NPY2R: variants seen among roughly 807,000 people sequenced by gnomAD.
NPY2R encodes neuropeptide Y receptor Y2, also known as neuropeptide Y receptor type 2.
In NPY2R, 17 loss-of-function variants were observed where a neutral mutation model predicts 22.3. The observed-to-expected ratio is 0.76, with a 90% CI of 0.52 to 1.14. The LOEUF (loss-of-function observed/expected upper bound fraction) is 1.14, where lower values mean the gene tolerates loss of function less well. NPY2R is among the 50% of genes most tolerant of loss of function. The probability of loss-of-function intolerance (pLI) is 0.00; values close to 1 mark genes in which losing one functional copy is unlikely to be tolerated. For missense variants in NPY2R, 424 were observed against 467.9 expected (o/e 0.91, Z 0.87); for synonymous variants, 209 against 183.4 (o/e 1.14, Z -1.13).
the NPY2R span, among the ~76,000 whole-genome samples, chr4:155,181,061 A>T: frequency 6.6e-6 from 1 of 152,220 alleles, no homozygotes; most frequent in Non-Finnish European, 1.5e-5. Flanking sequence ...AGTCAGAATG[A>T]ATAAAACTGT....
chr4:155,174,484 A>ATATATATATATATATATATATATATATAT, the NPY2R span, among the ~76,000 whole-genome samples: 27 of 106,062 alleles, frequency 2.5e-4, no homozygotes, highest in East Asian at 1.4e-3. Flanking sequence ...ATATATATAT[A>ATATATATATATATATATATATATATATAT]TTTTTTTTTT....
At chr4:155,174,969 T>C in the NPY2R span, among the ~76,000 whole-genome samples, 2 of 152,116 alleles carry the variant, frequency 1.3e-5, no homozygotes, top group Non-Finnish European at 1.5e-5. Flanking sequence ...TATTCTCTAA[T>C]GGAGAGAAAA....
the NPY2R span, among the ~76,000 whole-genome samples, chr4:155,188,948 T>C: frequency 6.6e-6 from 1 of 152,124 alleles, no homozygotes; most frequent in South Asian, 2.1e-4. Flanking sequence ...TACTTAGTAA[T>C]AAATAACTAA....
chr4:155,195,024 G>A, the NPY2R span, among the ~76,000 whole-genome samples: 1 of 151,992 alleles, frequency 6.6e-6, no homozygotes, highest in African/African-American at 2.4e-5. Context: ...TTTTGGTCAT[G>A]TGTATGTCTT....
chr4:155,200,813 T>C, the NPY2R span, among the ~76,000 whole-genome samples: 1 of 151,894 alleles, frequency 6.6e-6, no homozygotes, highest in African/African-American at 2.4e-5. Flanking sequence ...TGAGAACACA[T>C]GGACACAGGG....
the NPY2R span, among the ~76,000 whole-genome samples, chr4:155,193,805 G>A: frequency 0.52 from 79,653 of 151,788 alleles, 22,107 homozygotes; most frequent in East Asian, 0.94. Flanking sequence ...GTGTGTAAGA[G>A]GCACTGTGCT....
chr4:155,177,414 AAAC>A, the NPY2R span, among the ~76,000 whole-genome samples: 1 of 152,200 alleles, frequency 6.6e-6, no homozygotes, highest in Admixed American at 6.6e-5. Context: ...TCAACAAGGC[AAAC>A]AACATTAACT....
Position 155,214,879 on chromosome 4 carries a change from G to A in NPY2R, c.940G>A (p.Ala314Thr). 2.5e-6 allele frequency: 4 copies of A among 1,611,218 alleles called. No homozygotes were observed. The highest frequency in any genetic ancestry group is 3.4e-6 in the Non-Finnish European group (4 of 1,178,126). Residue 314 changes from alanine to threonine, a missense_variant, in exon 2 of 2, where the codon GCC becomes ACC. Physicochemically the swap from Ala to Thr is moderately conservative, Grantham distance 58. Coordinates refer to ENST00000329476, the MANE Select transcript of NPY2R (RefSeq NM_000910.4). ...KLIFTVFHII[A>T]MCSTFANPLL... The stretch of plus-strand genomic sequence containing the variant: ...CATCTTCACAGTGTTCCACATCATC[G>A]CCATGTGCTCCACTTTTGCCAATCC...
At position 155,214,752 on chromosome 4, in the gene NPY2R, G is replaced by A; in HGVS notation, c.813G>A (p.Val271=). ...GGCAAAAAACCACCAAAATGCTGGT[G>A]TGTGTGGTGGTGGTGTTTGCGGTCA... The part of the protein sequence containing the change: ...QRRQKTTKML[V]CVVVVFAVSW... Residue 271 remains valine, a synonymous_variant, in exon 2 of 2, where the codon GTG becomes GTA. Coordinates refer to ENST00000329476, the MANE Select transcript of NPY2R (RefSeq NM_000910.4). 6.2e-7 allele frequency: 1 copy of A among 1,614,214 alleles called. No homozygotes were observed. Among genetic ancestry groups the A allele is most frequent in the Non-Finnish European group, 8.5e-7 (1 of 1,180,010 alleles).
rs2880415 is a variant in NPY2R, at chr4:155,214,875, C to T, written c.936C>T (p.Ile312=). Residue 312 remains isoleucine (I), a synonymous_variant, in exon 2 of 2, where the codon ATC becomes ATT. Coordinates refer to ENST00000329476, the MANE Select transcript of NPY2R (RefSeq NM_000910.4). Reference sequence around the variant, plus strand: ...AACTCATCTTCACAGTGTTCCACATCATCGCCATGTGCTCCACTTTTGCCA... The same window carrying T: ...AACTCATCTTCACAGTGTTCCACATTATCGCCATGTGCTCCACTTTTGCCA... ...EYKLIFTVFH[I]IAMCSTFANP... is the part of the protein sequence containing the mutation. 0.56 allele frequency: 898,004 copies of T among 1,610,122 alleles called. 254,892 individuals carry two copies. The highest frequency in any genetic ancestry group is 0.78 in the African/African-American group (58,460 of 74,810).
At chr4:155,203,418 T>G in the NPY2R span, among the ~76,000 whole-genome samples, 6 of 152,214 alleles carry the variant, frequency 3.9e-5, no homozygotes, top group Non-Finnish European at 8.8e-5. Flanking sequence ...AGGAAGTCAA[T>G]TTTTCATCAG....
chr4:155,206,072 A>C (rs1729278420), upstream of NPY2R, among the ~76,000 whole-genome samples: 1 of 152,100 alleles, frequency 6.6e-6, no homozygotes, highest in African/African-American at 2.4e-5. Flanking sequence ...TGTGCTCTTC[A>C]AGGTGTTATG....
the NPY2R span, among the ~76,000 whole-genome samples, chr4:155,179,722 A>G: frequency 1.3e-5 from 2 of 152,170 alleles, no homozygotes; most frequent in African/African-American, 4.8e-5. Context: ...TCAAGACCCA[A>G]CAGGACCCCA....
the NPY2R span, among the ~76,000 whole-genome samples, chr4:155,189,971 A>G: frequency 6.6e-6 from 1 of 152,092 alleles, no homozygotes; most frequent in Middle Eastern, 3.4e-3. Flanking sequence ...GTGATATCAA[A>G]TTATACATTT....
At chr4:155,179,024 G>A in the NPY2R span, among the ~76,000 whole-genome samples, 10 of 151,888 alleles carry the variant, frequency 6.6e-5, no homozygotes, top group Non-Finnish European at 1.2e-4. Flanking sequence ...CTTATTTCCT[G>A]CAAAGACCAA....
the NPY2R span, among the ~76,000 whole-genome samples, chr4:155,192,040 T>C: frequency 6.6e-6 from 1 of 151,944 alleles, no homozygotes. Flanking sequence ...GGCGATACTT[T>C]CATCTTATCT....
chr4:155,189,912 A>G, the NPY2R span, among the ~76,000 whole-genome samples: 92 of 152,056 alleles, frequency 6.1e-4, no homozygotes, highest in African/African-American at 2.2e-3. Context: ...TCTTTTCTTT[A>G]AGTTATATTG....
At chr4:155,212,513 C>A (rs144374363) in intron 1 of NPY2R, among the ~76,000 whole-genome samples, 1 of 152,218 alleles carries the variant, frequency 6.6e-6, no homozygotes, top group African/African-American at 2.4e-5. Flanking sequence ...TAGTTCAAGA[C>A]ATAGGTTTTT....
At chr4:155,203,912 A>G (rs1470035623), upstream of NPY2R, among the ~76,000 whole-genome samples, 1 of 152,232 alleles carries the variant, frequency 6.6e-6, no homozygotes, top group Non-Finnish European at 1.5e-5. Flanking sequence ...GAAGTTAAGT[A>G]CATGACTTTA....
Sources: gnomAD v4.1 joint callset for allele counts (sites outside exome capture counted in the v4.1 genomes callset) on GRCh38, gnomAD v4.1.1 for gene constraint, MANE v1.5 for transcripts, NCBI Gene and HGNC (gene_info 2026-07-23, HGNC 2026-07-21) for gene names.